CAMK1D: variants seen among roughly 807,000 people sequenced by gnomAD.
CAMK1D encodes calcium/calmodulin dependent protein kinase ID.
CAMK1D carries 9 observed loss-of-function variants against 47.7 expected under a neutral mutation model. That is an observed-to-expected ratio of 0.19 (90% confidence interval 0.11 to 0.33). CAMK1D has a LOEUF of 0.33. Among genes scored for constraint, CAMK1D ranks in the 10% least tolerant of loss-of-function variants. CAMK1D has a pLI of 1.00. For missense variants in CAMK1D, 291 were observed against 488.7 expected (o/e 0.60, Z 3.81); for synonymous variants, 184 against 184.9 (o/e 0.99, Z 0.04).
intron 1 of CAMK1D, among the ~76,000 whole-genome samples, chr10:12,408,637 G>A (rs1046490313): frequency 2.0e-5 from 3 of 152,024 alleles, no homozygotes; most frequent in Non-Finnish European, 2.9e-5. Context: ...GGTGGTTCAG[G>A]TTCAGGTGGG....
At chr10:12,440,310 A>G (rs1832749786) in intron 1 of CAMK1D, among the ~76,000 whole-genome samples, 2 of 145,174 alleles carry the variant, frequency 1.4e-5, no homozygotes, top group African/African-American at 2.6e-5. Context: ...TTTGAGACGG[A>G]GTCTCCTTCT....
intron 1 of CAMK1D, among the ~76,000 whole-genome samples, chr10:12,514,985 G>A (rs1477209096): frequency 1.3e-5 from 2 of 151,888 alleles, no homozygotes; most frequent in African/African-American, 4.8e-5. Context: ...TGACTAGCTG[G>A]GACTACAGGT....
intron 1 of CAMK1D, among the ~76,000 whole-genome samples, chr10:12,479,637 G>A (rs940862995): frequency 2.6e-5 from 4 of 152,184 alleles, no homozygotes; most frequent in Admixed American, 1.3e-4. Flanking sequence ...CCTGTCTCTC[G>A]CCCCACAGGT....
chr10:12,422,164 C>G (rs1840075457), intron 1 of CAMK1D, among the ~76,000 whole-genome samples: 1 of 152,160 alleles, frequency 6.6e-6, no homozygotes, highest in Non-Finnish European at 1.5e-5. Context: ...ATTCTATTCC[C>G]TTGGGGGCAG....
At chr10:12,818,413 G>A (rs1048130166) in intron 8 of CAMK1D, among the ~76,000 whole-genome samples, 3 of 152,232 alleles carry the variant, frequency 2.0e-5, no homozygotes, top group Non-Finnish European at 4.4e-5. Context: ...GCTTATGCCT[G>A]TAATCCCAGC....
At chr10:12,636,579 C>T (rs1412547726) in intron 2 of CAMK1D, among the ~76,000 whole-genome samples, 2 of 152,224 alleles carry the variant, frequency 1.3e-5, no homozygotes, top group African/African-American at 4.8e-5. Flanking sequence ...TCTCCCACCT[C>T]AGCCTCCCAA....
intron 2 of CAMK1D, among the ~76,000 whole-genome samples, chr10:12,606,155 G>A (rs1838454146): frequency 6.6e-6 from 1 of 152,048 alleles, no homozygotes; most frequent in Non-Finnish European, 1.5e-5. Context: ...AACAACGCAG[G>A]TGCCGTCATC....
chr10:12,429,945 ACACTGCCCCAG>A (rs1448448468), intron 1 of CAMK1D, among the ~76,000 whole-genome samples: 1 of 152,008 alleles, frequency 6.6e-6, no homozygotes, highest in East Asian at 1.9e-4. Flanking sequence ...TCTTAGAACA[ACACTGCCCCAG>A]CACTGCCCCT....
At chr10:12,359,563 G>A (rs1222341143) in intron 1 of CAMK1D, among the ~76,000 whole-genome samples, 1 of 151,238 alleles carries the variant, frequency 6.6e-6, no homozygotes, top group Admixed American at 6.6e-5. Context: ...TGCACCCTTA[G>A]CTGGTTTTAA....
At chr10:12,487,177 C>T (rs1834243826) in intron 1 of CAMK1D, among the ~76,000 whole-genome samples, 1 of 152,166 alleles carries the variant, frequency 6.6e-6, no homozygotes, top group Admixed American at 6.5e-5. Context: ...TCCCATCCTC[C>T]ACCCTGAAGG....
chr10:12,504,842 A>C (rs1382624891), intron 1 of CAMK1D, among the ~76,000 whole-genome samples: 6 of 152,098 alleles, frequency 3.9e-5, no homozygotes, highest in Admixed American at 3.9e-4. Flanking sequence ...TCTGCAGTGC[A>C]CACAGCCTCA....
intron 10 of CAMK1D, 73 bp from the exon 11 acceptor site, chr10:12,828,696 A>G: frequency 8.1e-7 from 1 of 1,235,700 alleles, no homozygotes; most frequent in Non-Finnish European, 1.2e-6. Flanking sequence ...AGCCCCTCTG[A>G]CACCTGGCAG....
intron 1 of CAMK1D, among the ~76,000 whole-genome samples, chr10:12,535,831 G>A (rs917810749): frequency 6.6e-6 from 1 of 152,232 alleles, no homozygotes; most frequent in African/African-American, 2.4e-5. Flanking sequence ...AGAAGCAAGT[G>A]TAGAATTTCC....
intron 1 of CAMK1D, among the ~76,000 whole-genome samples, chr10:12,398,875 A>G (rs1839069445): frequency 6.6e-6 from 1 of 151,540 alleles, no homozygotes. Context: ...TCCTTTTCCT[A>G]TTTTTGTGTT....
In CAMK1D at chr10:12,513,550, C is replaced by T. The variant is rs146997131; in HGVS notation, c.93-39675C>T. Among the ~76,000 whole-genome samples the T allele has an allele frequency of 1.4e-3, 209 of 152,188 alleles. 1 individual carries two copies. The highest frequency in any genetic ancestry group is 4.9e-3 in the African/African-American group (204 of 41,510). On this transcript the variant is annotated intron_variant, in intron 1 of 10. Transcript: ENST00000619168. ...GCCTGTAATCCCAGCACTTTGGAGGCCGAGGCAGTCAGATTGCTTGAGTCC... is the reference window on the plus strand; with the variant it reads ...GCCTGTAATCCCAGCACTTTGGAGGTCGAGGCAGTCAGATTGCTTGAGTCC...
intron 2 of CAMK1D, among the ~76,000 whole-genome samples, chr10:12,560,055 T>C (rs1451389267): frequency 6.6e-6 from 1 of 152,116 alleles, no homozygotes; most frequent in Non-Finnish European, 1.5e-5. Context: ...GGAGGGCAGC[T>C]TCTGCAGCCA....
chr10:12,591,467 T>C (rs981253297), intron 2 of CAMK1D, among the ~76,000 whole-genome samples: 4 of 152,254 alleles, frequency 2.6e-5, no homozygotes, highest in Non-Finnish European at 4.4e-5. Flanking sequence ...CACTAAAAAG[T>C]GTCACACTTC....
chr10:12,628,574 A>G (rs1361123904), intron 2 of CAMK1D, among the ~76,000 whole-genome samples: 1 of 152,184 alleles, frequency 6.6e-6, no homozygotes, highest in Non-Finnish European at 1.5e-5. Context: ...ATAAGCCAAT[A>G]TTGGTATTGA....
At chr10:12,417,962 C>T (rs1397609163) in intron 1 of CAMK1D, among the ~76,000 whole-genome samples, 20 of 152,130 alleles carry the variant, frequency 1.3e-4, no homozygotes, top group Middle Eastern at 3.4e-3. Context: ...CCACCACACC[C>T]GGCTAATTTT....
Sources: allele counts gnomAD v4.1 joint callset (sites outside exome capture counted in the v4.1 genomes callset), GRCh38; gene constraint gnomAD v4.1.1; transcripts MANE v1.5; gene names NCBI Gene and HGNC (gene_info 2026-07-23, HGNC 2026-07-21).